Variants in SOHLH2 observed in about 807,000 individuals in gnomAD.
SOHLH2 encodes spermatogenesis and oogenesis specific basic helix-loop-helix 2.
Under a neutral mutation model 50.4 loss-of-function variants are expected in SOHLH2, and 22 were observed. The observed-to-expected ratio is 0.44, with a 90% CI of 0.31 to 0.62. The LOEUF (loss-of-function observed/expected upper bound fraction) is 0.62, where lower values mean the gene tolerates loss of function less well. Ranked by LOEUF, SOHLH2 falls within the 20% of genes least tolerant of loss-of-function variation. The probability of loss-of-function intolerance (pLI) is 0.08; values close to 1 mark genes in which losing one functional copy is unlikely to be tolerated. For synonymous variants in SOHLH2, 185 were observed against 187.3 expected, an observed-to-expected ratio of 0.99 and a Z score of 0.10; for missense variants, 412 against 504.4, an observed-to-expected ratio of 0.82 and a Z score of 1.76.
At chr13:36,194,010 T>G (rs1451015675) in intron 2 of SOHLH2, 143 bp from the exon 3 acceptor site, 5 of 704,970 alleles carry the variant, frequency 7.1e-6, no homozygotes, top group Non-Finnish European at 1.1e-5. Context: ...ATATGGAAAT[T>G]TAGTAAAAGT....
chr13:36,201,721 C>T (rs529657784), intron 2 of SOHLH2, among the ~76,000 whole-genome samples, 158 bp downstream of exon 2: 11 of 152,292 alleles, frequency 7.2e-5, no homozygotes, highest in African/African-American at 2.4e-4. Context: ...CATCCCACAT[C>T]GGCCTCTCAA....
intron 2 of SOHLH2, among the ~76,000 whole-genome samples, chr13:36,194,545 C>A (rs35540212): frequency 0.061 from 9,268 of 152,142 alleles, 431 homozygotes; most frequent in Non-Finnish European, 0.08. Context: ...TGTGGGTAAC[C>A]GCTGAGGCTA....
At chr13:36,192,824 A>G (rs978626649) in intron 4 of SOHLH2, among the ~76,000 whole-genome samples, 2 of 152,212 alleles carry the variant, frequency 1.3e-5, no homozygotes, top group Non-Finnish European at 2.9e-5. Context: ...TTTCAAGTAG[A>G]CAATACAGTA....
intron 9 of SOHLH2, among the ~76,000 whole-genome samples, chr13:36,172,128 G>A (rs1886974286): frequency 6.6e-6 from 1 of 152,130 alleles, no homozygotes; most frequent in South Asian, 2.1e-4. Flanking sequence ...CATATCTCTG[G>A]CTTCCCAAGA....
rs1886878450 is a variant in SOHLH2 at position 36,168,412 on chromosome 13, T to C, written c.*622A>G. The C allele has an allele frequency of 6.6e-6, 1 of 152,234 alleles. No individual in the cohort carries two copies. The highest frequency in any genetic ancestry group is 2.4e-5 in the African/African-American group (1 of 41,466). 9.4% of individuals were successfully genotyped at this position (152,234 alleles called of 1,614,324 possible). A position where few individuals can be genotyped will look rare whatever the true frequency, so the allele number is the denominator to read the frequency against. On this transcript the variant is annotated 3_prime_UTR_variant, in exon 11 of 11. Transcript: ENST00000379881. ...GAAAGAAATATTTACCTATTAGCCA[T>C]CGTTTCACTCAAGGGATTGTGAAAT...
intron 1 of SOHLH2, among the ~76,000 whole-genome samples, chr13:36,212,046 C>T (rs1472200120): frequency 6.6e-6 from 1 of 152,124 alleles, no homozygotes; most frequent in Non-Finnish European, 1.5e-5. Flanking sequence ...CCAGTGTCCC[C>T]AGAATCTCTC....
intron 10 of SOHLH2, 106 bp downstream of exon 10, chr13:36,170,425 A>C (rs1566033887): frequency 6.8e-7 from 1 of 1,463,324 alleles, no homozygotes; most frequent in Non-Finnish European, 9.0e-7. Flanking sequence ...TCAAGCTCTT[A>C]GGTCCCAGCC....
chr13:36,213,990 C>CAA (rs1869276421), intron 1 of SOHLH2, among the ~76,000 whole-genome samples: 2 of 151,610 alleles, frequency 1.3e-5, no homozygotes, highest in Admixed American at 1.3e-4. Context: ...GCTAACTTCA[C>CAA]AAGTGGCCTT....
rs1211615512 is a variant in SOHLH2 at position 36,174,099 on chromosome 13, C to T, written c.882-289G>A. Among the ~76,000 whole-genome samples, 4 of 152,112 alleles carry T rather than the reference C, an allele frequency of 2.6e-5. No individual in the cohort carries two copies. In the East Asian group the frequency reaches 7.7e-4, roughly 29 times the overall value. On this transcript the variant is annotated intron_variant, in intron 8 of 10. Coordinates refer to ENST00000379881, the MANE Select transcript of SOHLH2 (RefSeq NM_017826.3). ...TGCACTAATGACCTGCTTTAAGCAC[C>T]ACTAATTGAAATAGGGCTGGACAGC...
intron 2 of SOHLH2, among the ~76,000 whole-genome samples, chr13:36,198,784 C>T (rs1430133382): frequency 6.6e-6 from 1 of 152,096 alleles, no homozygotes; most frequent in Non-Finnish European, 1.5e-5. Flanking sequence ...TTCTTATTTT[C>T]AATAAAAATC....
intron 1 of SOHLH2, among the ~76,000 whole-genome samples, chr13:36,205,141 G>A (rs1868671970): frequency 6.6e-6 from 1 of 152,142 alleles, no homozygotes; most frequent in South Asian, 2.1e-4. Flanking sequence ...GCACTTTATA[G>A]TACTCTCTGT....
At chr13:36,203,051 C>T (rs1868520354) in intron 1 of SOHLH2, among the ~76,000 whole-genome samples, 1 of 152,172 alleles carries the variant, frequency 6.6e-6, no homozygotes, top group Non-Finnish European at 1.5e-5. Flanking sequence ...TTGGCACTTC[C>T]ACCTGCTCAC....
intron 2 of SOHLH2, among the ~76,000 whole-genome samples, chr13:36,196,094 AG>A (rs1887715327): frequency 8.2e-6 from 1 of 122,244 alleles, no homozygotes; most frequent in Admixed American, 8.4e-5. Context: ...TTAGACAGAC[AG>A]AAAGATAGAT....
At chr13:36,188,288 A>G (rs2138292828) in intron 6 of SOHLH2, among the ~76,000 whole-genome samples, 1 of 152,334 alleles carries the variant, frequency 6.6e-6, no homozygotes, top group East Asian at 1.9e-4. Context: ...GGTTGTTTCA[A>G]GCCAGTAAAT....
intron 6 of SOHLH2, among the ~76,000 whole-genome samples, chr13:36,183,412 G>T (rs1409433148): frequency 6.6e-6 from 1 of 152,134 alleles, no homozygotes; most frequent in African/African-American, 2.4e-5. Flanking sequence ...ATAAGTTAAA[G>T]ATGCATATCA....
At chr13:36,176,886 C>T (rs1346206758) in intron 6 of SOHLH2, among the ~76,000 whole-genome samples, 1 of 152,028 alleles carries the variant, frequency 6.6e-6, no homozygotes, top group Admixed American at 6.5e-5. Context: ...GTATCAGTAG[C>T]TCAAATTACT....
At chr13:36,188,234 G>A (rs2138292725) in intron 6 of SOHLH2, among the ~76,000 whole-genome samples, 1 of 152,294 alleles carries the variant, frequency 6.6e-6, no homozygotes, top group Non-Finnish European at 1.5e-5. Context: ...GCTGAGCCCT[G>A]CTCGAACTGC....
chr13:36,203,960 T>G (rs1181740813), intron 1 of SOHLH2, among the ~76,000 whole-genome samples: 9 of 147,014 alleles, frequency 6.1e-5, no homozygotes, highest in South Asian at 2.2e-4. Context: ...TTTTGTTTTT[T>G]TTTTTTTTTT....
intron 2 of SOHLH2, among the ~76,000 whole-genome samples, chr13:36,194,201 TA>T (rs1887656780): frequency 6.6e-6 from 1 of 151,888 alleles, no homozygotes; most frequent in Admixed American, 6.6e-5. Context: ...GGGAATTCTG[TA>T]AGACAAATGA....
Sources: gnomAD v4.1 joint callset for allele counts (sites outside exome capture counted in the v4.1 genomes callset) on GRCh38, gnomAD v4.1.1 for gene constraint, MANE v1.5 for transcripts, NCBI Gene and HGNC (gene_info 2026-07-23, HGNC 2026-07-21) for gene names.